Variants in ERCC6L2 observed in about 807,000 individuals in gnomAD.
ERCC6L2 encodes the protein DNA excision repair protein ERCC-6-like 2.
ERCC6L2 carries 77 observed loss-of-function variants against 132.0 expected under a neutral mutation model. The observed-to-expected ratio is 0.58, with a 90% confidence interval of 0.49 to 0.71. The LOEUF (loss-of-function observed/expected upper bound fraction) is 0.71. Among genes scored for constraint, ERCC6L2 ranks in the 30% least tolerant of loss-of-function variants. The pLI is 0.00. For missense variants in ERCC6L2, 1,542 were observed against 1,837.6 expected, an observed-to-expected ratio of 0.84 and a Z score of 2.94; for synonymous variants, 583 against 632.4, an observed-to-expected ratio of 0.92 and a Z score of 1.17.
rs879815970 is a variant in ERCC6L2, at chr9:95,907,123, G to A, written c.640G>A (p.Asp214Asn). The part of the protein sequence containing the change: ...APLSVLYNWK[D>N]ELDTWGYFRV... Reference sequence around the variant, plus strand: ...TCTTTCTGTCCTCTACAACTGGAAGGATGAATTGGACACCTGGGGATATTT... The same window carrying A: ...TCTTTCTGTCCTCTACAACTGGAAGAATGAATTGGACACCTGGGGATATTT... The change falls in exon 4 of 19, where the codon GAT becomes AAT. Residue 214 changes from aspartate (D) to asparagine (N), a missense_variant. Around this residue, in one of 4 missense-constraint regions of ERCC6L2, gnomAD observed 945 missense variants for 1,105.2 expected, o/e 0.86. Coordinates refer to ENST00000653738, the MANE Select transcript of ERCC6L2 (RefSeq NM_020207.7). The A allele has an allele frequency of 1.2e-5, 19 of 1,612,958 alleles. No homozygotes were observed. Among genetic ancestry groups the A allele is most frequent in the Non-Finnish European group, 1.4e-5 (17 of 1,179,586 alleles).
At chr9:96,036,763 A>ATTT (rs201535314) in intron 19 of ERCC6L2, among the ~76,000 whole-genome samples, 8 of 137,666 alleles carry the variant, frequency 5.8e-5, no homozygotes, top group African/African-American at 1.7e-4. Flanking sequence ...TATTATTATT[A>ATTT]TTTTTATTTA....
chr9:95,893,143 A>G (rs1249020875), intron 2 of ERCC6L2, among the ~76,000 whole-genome samples: 3 of 152,224 alleles, frequency 2.0e-5, no homozygotes, highest in Non-Finnish European at 4.4e-5. Flanking sequence ...ACTGCTTCAG[A>G]TAAAATATGT....
At chr9:96,040,511 C>T (rs542969130) in intron 20 of ERCC6L2, among the ~76,000 whole-genome samples, 4 of 152,322 alleles carry the variant, frequency 2.6e-5, no homozygotes, top group South Asian at 2.1e-4. Context: ...CTGGTGCCCT[C>T]GGAGCTCTGC....
intron 17 of ERCC6L2, among the ~76,000 whole-genome samples, chr9:95,985,924 A>ATATATACCTCC (rs1269839722): frequency 6.6e-6 from 1 of 152,236 alleles, no homozygotes; most frequent in Non-Finnish European, 1.5e-5. Flanking sequence ...AGATGAACAA[A>ATATATACCTCC]CAGGCTCTTC....
intron 12 of ERCC6L2, among the ~76,000 whole-genome samples, chr9:95,945,981 AAAG>A (rs1458613790): frequency 6.6e-6 from 1 of 152,134 alleles, no homozygotes; most frequent in African/African-American, 2.4e-5. Context: ...TGTAAATAAA[AAAG>A]ACACAGGAAG....
intron 17 of ERCC6L2, among the ~76,000 whole-genome samples, chr9:95,980,482 G>A (rs1475088012): frequency 6.6e-6 from 1 of 152,116 alleles, no homozygotes; most frequent in Admixed American, 6.6e-5. Context: ...TCATTTCAGT[G>A]GCTGACTTCA....
intron 17 of ERCC6L2, among the ~76,000 whole-genome samples, chr9:96,001,284 C>G (rs536311763): frequency 6.6e-6 from 1 of 152,196 alleles, no homozygotes. Flanking sequence ...CTGGCTCGGG[C>G]AGCCTGCTTT....
intron 17 of ERCC6L2, among the ~76,000 whole-genome samples, chr9:95,989,347 C>T (rs1307519375): frequency 6.6e-6 from 1 of 152,168 alleles, no homozygotes; most frequent in African/African-American, 2.4e-5. Flanking sequence ...CATCCTGAAG[C>T]TCCTAGGGGG....
chr9:95,904,218 G>T (rs916102715), intron 3 of ERCC6L2, among the ~76,000 whole-genome samples: 4 of 151,866 alleles, frequency 2.6e-5, no homozygotes, highest in Admixed American at 6.6e-5. Context: ...TTCTGTAAAG[G>T]TATAATTTAT....
intron 12 of ERCC6L2, among the ~76,000 whole-genome samples, chr9:95,946,325 G>C (rs975133820): frequency 6.6e-6 from 1 of 152,176 alleles, no homozygotes; most frequent in African/African-American, 2.4e-5. Context: ...TCAGGTGATC[G>C]AGACCATCCT....
chr9:96,037,584 A>G (rs763191891), intron 19 of ERCC6L2, among the ~76,000 whole-genome samples: 2 of 152,324 alleles, frequency 1.3e-5, no homozygotes, highest in East Asian at 3.9e-4. Flanking sequence ...AGCAGGAAAT[A>G]CAGTCGGGGA....
intron 16 of ERCC6L2, among the ~76,000 whole-genome samples, chr9:95,974,273 G>A (rs187332819): frequency 4.9e-4 from 74 of 152,238 alleles, no homozygotes; most frequent in African/African-American, 9.6e-5. Flanking sequence ...ATATGGGAGA[G>A]ACAGGAAAAA....
At chr9:95,949,748 G>A (rs930187634) in intron 12 of ERCC6L2, among the ~76,000 whole-genome samples, 7 of 152,140 alleles carry the variant, frequency 4.6e-5, no homozygotes, top group East Asian at 1.9e-4. Flanking sequence ...AGTGGCTCAC[G>A]CCTGTAATCC....
intron 19 of ERCC6L2, among the ~76,000 whole-genome samples, chr9:96,023,692 C>T (rs1646203682): frequency 6.6e-6 from 1 of 152,200 alleles, no homozygotes; most frequent in African/African-American, 2.4e-5. Flanking sequence ...TCAGTTGCTT[C>T]ATCAATCACA....
chr9:95,955,865 C>A, intron 12 of ERCC6L2, 49 bp from the exon 13 acceptor site: 1 of 1,162,300 alleles, frequency 8.6e-7, no homozygotes, highest in Non-Finnish European at 1.2e-6. Context: ...CCTCTTCAAC[C>A]CAAAGTTGCT....
At chr9:95,975,371 T>A (rs1832622052) in intron 16 of ERCC6L2, among the ~76,000 whole-genome samples, 1 of 151,290 alleles carries the variant, frequency 6.6e-6, no homozygotes, top group Non-Finnish European at 1.5e-5. Flanking sequence ...TACCTAAAAG[T>A]TTTGCTGGAT....
At chr9:95,980,507 C>A (rs552114910) in intron 17 of ERCC6L2, among the ~76,000 whole-genome samples, 40 of 152,264 alleles carry the variant, frequency 2.6e-4, no homozygotes, top group Middle Eastern at 3.4e-3. Flanking sequence ...GTAATTGATA[C>A]AGCAAAATTT....
chr9:95,971,294 A>G (rs567780059), intron 15 of ERCC6L2, among the ~76,000 whole-genome samples: 1 of 152,316 alleles, frequency 6.6e-6, no homozygotes, highest in South Asian at 2.1e-4. Flanking sequence ...AATATTGGCA[A>G]AAGTATTATC....
At chr9:95,980,088 G>A (rs939542190) in intron 17 of ERCC6L2, among the ~76,000 whole-genome samples, 1 of 152,144 alleles carries the variant, frequency 6.6e-6, no homozygotes, top group East Asian at 1.9e-4. Context: ...GATCTGAGAA[G>A]CAACCTGTTT....
Sources: gnomAD v4.1 joint callset for allele counts (sites outside exome capture counted in the v4.1 genomes callset) on GRCh38, gnomAD v4.1.1 for gene constraint, gnomAD v4.1.1 regional missense constraint, MANE v1.5 for transcripts, NCBI Gene and HGNC (gene_info 2026-07-23, HGNC 2026-07-21) for gene names.